Variants in ARSG observed in about 807,000 individuals in gnomAD.
The protein encoded by ARSG is arylsulfatase G.
In ARSG, 37 loss-of-function variants were observed where a neutral mutation model predicts 50.5. The ratio of observed to expected loss-of-function variants is 0.73; its 90% CI spans 0.56 to 0.96. ARSG has a LOEUF of 0.96. Among genes scored for constraint, ARSG ranks in the 50% least tolerant of loss-of-function variants. ARSG has a pLI of 0.00. For missense variants in ARSG, 629 were observed against 675.3 expected, an observed-to-expected ratio of 0.93 and a Z score of 0.76; for synonymous variants, 225 against 254.6, an observed-to-expected ratio of 0.88 and a Z score of 1.11.
chr17:68,400,671 A>C (rs1443736468), intron 10 of ARSG: 1 of 152,192 alleles, frequency 6.6e-6, no homozygotes, highest in Non-Finnish European at 1.5e-5. Flanking sequence ...CTGCACTTGG[A>C]GGGACCCTGT....
Position 68,355,634 on chromosome 17 carries a change from C to T in ARSG, c.567-1033C>T, listed in dbSNP as rs1479312205. Among the ~76,000 whole-genome samples the T allele has an allele frequency of 6.6e-5, 10 of 152,284 alleles. No homozygotes were observed. In the East Asian group the frequency reaches 1.9e-3, roughly 29 times the overall value. Reference sequence around the variant, plus strand: ...CCTCCCAAAGTTCTGGGATTACACGCATGAGCCACTGTGCCTGGCCTGGTC... The same window carrying T: ...CCTCCCAAAGTTCTGGGATTACACGTATGAGCCACTGTGCCTGGCCTGGTC... On this transcript the variant is annotated intron_variant, in intron 5 of 11. Coordinates refer to ENST00000621439, the MANE Select transcript of ARSG (RefSeq NM_001267727.2).
intron 8 of ARSG, among the ~76,000 whole-genome samples, chr17:68,376,280 T>TTTTG (rs1555786016): frequency 7.4e-5 from 11 of 148,096 alleles, no homozygotes; most frequent in Non-Finnish European, 1.2e-4. Flanking sequence ...CCCCTGCATT[T>TTTTG]TTTTTTTTTT....
chr17:68,384,084 C>T (rs1263580780), intron 8 of ARSG, among the ~76,000 whole-genome samples: 1 of 152,216 alleles, frequency 6.6e-6, no homozygotes, highest in Non-Finnish European at 1.5e-5. Context: ...CTTCTCCCCA[C>T]ATAATTGCTT....
the ARSG span, chr17:68,444,667 C>CAT: frequency 3.4e-6 from 4 of 1,193,588 alleles, no homozygotes; most frequent in Admixed American, 8.8e-5. Flanking sequence ...ATTCATCTTT[C>CAT]ATATGAGTCC....
intron 11 of ARSG, among the ~76,000 whole-genome samples, chr17:68,404,320 C>T (rs1351406230): frequency 1.3e-5 from 2 of 152,194 alleles, no homozygotes; most frequent in East Asian, 1.9e-4. Flanking sequence ...TTTACAGTCC[C>T]ACCAACAGTG....
In ARSG at chr17:68,307,595, G is replaced by C. The variant is rs782364152; in HGVS notation, c.102G>C (p.Gln34His). The C allele has an allele frequency of 1.2e-6, 2 of 1,614,000 alleles. No individual in the cohort carries two copies. The highest frequency in any genetic ancestry group is 2.7e-5 in the African/African-American group (2 of 74,926). The change falls in exon 2 of 12, where the codon CAG becomes CAC. Residue 34 changes from glutamine (Q) to histidine (H), a missense_variant. Physicochemically the swap from Gln to His is conservative, Grantham distance 24 (BLOSUM62 0). Transcript: ENST00000621439. ...GCATCAGTGGGAAAACAAGAGGACA[G>C]AAGCCAAACTTTGTGATTATTTTGG... ...DFCISGKTRG[Q>H]KPNFVIILAD...
chr17:68,319,570 C>T (rs534381399), intron 2 of ARSG, among the ~76,000 whole-genome samples: 2 of 152,266 alleles, frequency 1.3e-5, no homozygotes, highest in African/African-American at 4.8e-5. Flanking sequence ...GGCCTTGGTG[C>T]CAGCCTGCTT....
intron 2 of ARSG, among the ~76,000 whole-genome samples, chr17:68,324,458 G>A (rs1009664546): frequency 2.0e-5 from 3 of 152,128 alleles, no homozygotes; most frequent in African/African-American, 7.2e-5. Context: ...TACCTCCTGC[G>A]GACCGGCCCA....
At chr17:68,363,630 G>C (rs2079402139) in intron 6 of ARSG, among the ~76,000 whole-genome samples, 1 of 151,964 alleles carries the variant, frequency 6.6e-6, no homozygotes, top group Non-Finnish European at 1.5e-5. Context: ...ACCATGCCCA[G>C]CTAATTTTGT....
rs1425307892 is a variant in ARSG at position 68,410,866 on chromosome 17, C to T, written c.1304-9323C>T. On this transcript the variant is annotated intron_variant, in intron 11 of 11. Coordinates refer to ENST00000621439, the MANE Select transcript of ARSG (RefSeq NM_001267727.2). The stretch of plus-strand genomic sequence containing the variant: ...TTTAGTCTTGGGAGAGTGTATGTGT[C>T]GAGGAATTTATCCATTTCTTCTAGA... 7.9e-5 allele frequency among the ~76,000 whole-genome samples: 12 copies of T among 152,174 alleles called. No homozygotes were observed. The South Asian group carries it at 1.2e-3, about 16-fold the overall frequency.
intron 5 of ARSG, among the ~76,000 whole-genome samples, chr17:68,352,179 GAGAGAC>G (rs2078828174): frequency 2.7e-5 from 4 of 150,334 alleles, no homozygotes; most frequent in South Asian, 2.1e-4. Context: ...GAGAGAGAGA[GAGAGAC>G]AGAGACAGAG....
chr17:68,338,866 G>A (rs2078144675), intron 2 of ARSG, among the ~76,000 whole-genome samples: 1 of 152,218 alleles, frequency 6.6e-6, no homozygotes, highest in Non-Finnish European at 1.5e-5. Flanking sequence ...AGGTCATTGA[G>A]TATAGGGACT....
intron 2 of ARSG, among the ~76,000 whole-genome samples, chr17:68,331,197 C>CTT (rs2077732475): frequency 3.7e-5 from 2 of 53,568 alleles, no homozygotes; most frequent in South Asian, 7.0e-4. Flanking sequence ...TTCTTTCTTT[C>CTT]TTTCTTTCTT....
At chr17:68,338,655 CT>C (rs1217087120) in intron 2 of ARSG, among the ~76,000 whole-genome samples, 4 of 152,300 alleles carry the variant, frequency 2.6e-5, no homozygotes, top group South Asian at 2.1e-4. Context: ...TAACCTCCCC[CT>C]GCCTCAGTTT....
chr17:68,428,948 G>A, the ARSG span: 3 of 1,605,600 alleles, frequency 1.9e-6, no homozygotes, highest in African/African-American at 1.3e-5. Context: ...TAAGGGCCAA[G>A]GAAAACATAA....
chr17:68,427,443 G>A (rs762768710), downstream of ARSG: 16 of 413,652 alleles, frequency 3.9e-5, no homozygotes, highest in South Asian at 2.0e-4. Flanking sequence ...TGCAACCTCC[G>A]CCTCCTGGGT....
rs186601528 is a variant in ARSG, at chr17:68,319,973, G to A, written c.218+12262G>A. Among the ~76,000 whole-genome samples, 530 of 152,342 alleles carry A rather than the reference G, an allele frequency of 3.5e-3. 3 individuals are homozygous for A. Among genetic ancestry groups the A allele is most frequent in the African/African-American group, 0.012 (502 of 41,584 alleles). On this transcript the variant is annotated intron_variant, in intron 2 of 11. Transcript: ENST00000621439. ...TCTCACCTTTTAGGTGATAAAGCTTGCAGTGAGGAATCCTGTTAAAGATAG... is the reference window on the plus strand; with the variant it reads ...TCTCACCTTTTAGGTGATAAAGCTTACAGTGAGGAATCCTGTTAAAGATAG...
chr17:68,313,390 T>G (rs1189456060), intron 2 of ARSG, among the ~76,000 whole-genome samples: 2 of 152,204 alleles, frequency 1.3e-5, no homozygotes, highest in African/African-American at 4.8e-5. Flanking sequence ...TCTCCTGGAT[T>G]CTGGTGCCTG....
intron 9 of ARSG, among the ~76,000 whole-genome samples, chr17:68,390,885 C>T (rs2080959844): frequency 6.6e-6 from 1 of 151,068 alleles, no homozygotes; most frequent in African/African-American, 2.4e-5. Context: ...CCTCAGCCTC[C>T]CAAAGTGCTG....
Sources: allele counts gnomAD v4.1 joint callset (sites outside exome capture counted in the v4.1 genomes callset), GRCh38; gene constraint gnomAD v4.1.1; transcripts MANE v1.5; gene names NCBI Gene and HGNC (gene_info 2026-07-23, HGNC 2026-07-21).